The following TENM3 variants were observed in gnomAD, a reference collection of about 807,000 sequenced individuals.
TENM3 encodes the protein teneurin-3.
In TENM3, 63 loss-of-function variants were observed where a neutral mutation model predicts 255.1. The observed-to-expected ratio is 0.25, with a 90% CI of 0.20 to 0.30. TENM3 has a LOEUF of 0.30. Among genes scored for constraint, TENM3 ranks in the 10% least tolerant of loss-of-function variants. The probability of loss-of-function intolerance (pLI) is 1.00; values close to 1 mark genes in which losing one functional copy is unlikely to be tolerated. For synonymous variants in TENM3, 1,306 were observed against 1,322.3 expected, an observed-to-expected ratio of 0.99 and a Z score of 0.27; for missense variants, 2,929 against 3,461.1, an observed-to-expected ratio of 0.85 and a Z score of 3.86.
At chr4:181,645,802 T>A in the TENM3 span, among the ~76,000 whole-genome samples, 3 of 152,310 alleles carry the variant, frequency 2.0e-5, no homozygotes, top group South Asian at 6.2e-4. Context: ...CCAAAGGTGA[T>A]CTCAGAAATT....
At chr4:181,987,778 A>G in the TENM3 span, among the ~76,000 whole-genome samples, 1 of 150,884 alleles carries the variant, frequency 6.6e-6, no homozygotes, top group Non-Finnish European at 1.5e-5. Context: ...TTATATATAC[A>G]TATAGAGAGA....
intron 3 of TENM3, among the ~76,000 whole-genome samples, chr4:182,567,241 CA>C (rs950538769): frequency 1.3e-5 from 2 of 152,140 alleles, no homozygotes; most frequent in African/African-American, 4.8e-5. Context: ...CAGAATTCAA[CA>C]ATTTCCTGTC....
chr4:182,299,618 G>A (rs1379000210), intron 1 of TENM3, among the ~76,000 whole-genome samples: 5 of 152,178 alleles, frequency 3.3e-5, no homozygotes, highest in Non-Finnish European at 7.3e-5. Flanking sequence ...ACAGATCTTA[G>A]AGTTAGCAGG....
chr4:181,474,570 C>A, the TENM3 span, among the ~76,000 whole-genome samples: 30 of 151,912 alleles, frequency 2.0e-4, no homozygotes, highest in Non-Finnish European at 3.7e-4. Flanking sequence ...GCCATCTCTA[C>A]TAAAAACACA....
intron 1 of TENM3, among the ~76,000 whole-genome samples, chr4:182,187,973 CAG>C (rs1396248229): frequency 1.5e-4 from 23 of 152,052 alleles, no homozygotes; most frequent in South Asian, 6.2e-4. Flanking sequence ...CTGTGTGAAA[CAG>C]TGCCAAAAAT....
intron 5 of TENM3, among the ~76,000 whole-genome samples, chr4:182,640,096 C>T (rs1042375430): frequency 2.0e-5 from 3 of 151,968 alleles, no homozygotes; most frequent in Non-Finnish European, 2.9e-5. Flanking sequence ...CTCAAAAATA[C>T]GTAAATAAGA....
At chr4:181,875,282 G>T in the TENM3 span, among the ~76,000 whole-genome samples, 3 of 151,910 alleles carry the variant, frequency 2.0e-5, no homozygotes, top group Admixed American at 6.6e-5. Flanking sequence ...AAATGACCTG[G>T]CTATCCTATT....
At chr4:181,742,925 T>G in the TENM3 span, among the ~76,000 whole-genome samples, 3 of 150,740 alleles carry the variant, frequency 2.0e-5, no homozygotes, top group Non-Finnish European at 4.4e-5. Context: ...GAATATGCGG[T>G]GTTTGGTTTT....
chr4:182,717,467 C>T (rs575539367), intron 13 of TENM3, among the ~76,000 whole-genome samples: 1 of 152,132 alleles, frequency 6.6e-6, no homozygotes, highest in African/African-American at 2.4e-5. Flanking sequence ...ATCTGTTACC[C>T]GTAATAAGGG....
chr4:181,705,547 C>T, the TENM3 span, among the ~76,000 whole-genome samples: 2 of 152,078 alleles, frequency 1.3e-5, no homozygotes, highest in East Asian at 1.9e-4. Context: ...AAGTAAAAAC[C>T]ATGACATTCA....
At chr4:182,577,240 A>G (rs1745022919) in intron 3 of TENM3, among the ~76,000 whole-genome samples, 2 of 152,256 alleles carry the variant, frequency 1.3e-5, no homozygotes, top group Admixed American at 6.5e-5. Flanking sequence ...GTATATCTGT[A>G]TGCTCAAAAG....
rs578222136 is a variant in TENM3, at chr4:182,275,021, C to T, written c.-76+31545C>T. On this transcript the variant is annotated intron_variant, in intron 1 of 27. Coordinates refer to ENST00000511685, the MANE Select transcript of TENM3 (RefSeq NM_001080477.4). Reference sequence around the variant, plus strand: ...TGTATTTTTAGTAGAGATGGGGTTCCACCATGTTGGTCAGGCTGGTCTCGA... The same window carrying T: ...TGTATTTTTAGTAGAGATGGGGTTCTACCATGTTGGTCAGGCTGGTCTCGA... Among the ~76,000 whole-genome samples, 104 of 152,190 alleles carry T rather than the reference C, an allele frequency of 6.8e-4. 1 individual carries two copies. Among genetic ancestry groups the T allele is most frequent in the Non-Finnish European group, 1.0e-3 (70 of 67,994 alleles).
At chr4:181,524,117 T>C in the TENM3 span, among the ~76,000 whole-genome samples, 14,207 of 152,212 alleles carry the variant, frequency 0.093, 731 homozygotes, top group East Asian at 0.2. Flanking sequence ...TTTTTCTTTA[T>C]AAAGATTAAC....
chr4:182,273,198 C>A (rs941623970), intron 1 of TENM3, among the ~76,000 whole-genome samples: 4 of 152,226 alleles, frequency 2.6e-5, no homozygotes, highest in African/African-American at 9.6e-5. Flanking sequence ...ACTATGCCCT[C>A]TCAGTCGATC....
At chr4:182,544,310 C>T (rs1741193763) in intron 3 of TENM3, among the ~76,000 whole-genome samples, 1 of 148,534 alleles carries the variant, frequency 6.7e-6, no homozygotes. Context: ...CTCCCTCCAG[C>T]ACAGCATTGT....
rs116644487 is a variant in TENM3 at position 182,198,771 on chromosome 4, C to T, written c.-76+54017C>T. Among the ~76,000 whole-genome samples the T allele has an allele frequency of 3.1e-3, 466 of 152,194 alleles. 3 individuals are homozygous for T. Among genetic ancestry groups the T allele is most frequent in the African/African-American group, 0.01 (433 of 41,508 alleles). ...AGACTGAAGACCCGATGATGAAGGA[C>T]AGAGCAGAGGGAAGCAAAGGAATGA... On this transcript the variant is annotated intron_variant, in intron 1 of 2. Coordinates refer to the TENM3 transcript ENST00000512480.
the TENM3 span, among the ~76,000 whole-genome samples, chr4:181,582,849 A>C: frequency 4.2e-4 from 64 of 152,174 alleles, no homozygotes; most frequent in Non-Finnish European, 6.6e-4. Flanking sequence ...TAGTGAGGTC[A>C]TTGGATGTAA....
chr4:181,516,848 T>G, the TENM3 span, among the ~76,000 whole-genome samples: 1 of 152,138 alleles, frequency 6.6e-6, no homozygotes, highest in Non-Finnish European at 1.5e-5. Flanking sequence ...CCATTGTATG[T>G]GTATTGCTTC....
At chr4:182,738,638 T>C (rs1761357302) in intron 18 of TENM3, 94 bp downstream of exon 18, 5 of 1,027,756 alleles carry the variant, frequency 4.9e-6, no homozygotes, top group Non-Finnish European at 1.4e-6. Context: ...TGTAGCAACA[T>C]TTTATGCTAT....
Sources: allele counts gnomAD v4.1 joint callset (sites outside exome capture counted in the v4.1 genomes callset), GRCh38; gene constraint gnomAD v4.1.1; transcripts MANE v1.5; gene names NCBI Gene and HGNC (gene_info 2026-07-23, HGNC 2026-07-21).